Variants in LRFN5 observed in about 807,000 individuals in gnomAD.
The protein encoded by LRFN5 is leucine-rich repeat and fibronectin type-III domain-containing protein 5.
LRFN5 carries 24 observed loss-of-function variants against 45.6 expected under a neutral mutation model. That is an observed-to-expected ratio of 0.53 (90% CI 0.38 to 0.74). The LOEUF (loss-of-function observed/expected upper bound fraction) is 0.74. Among genes scored for constraint, LRFN5 ranks in the 30% least tolerant of loss-of-function variants. The pLI is 0.00. For synonymous variants in LRFN5, 340 were observed against 313.8 expected, an observed-to-expected ratio of 1.08 and a Z score of -0.88; for missense variants, 776 against 861.5, an observed-to-expected ratio of 0.90 and a Z score of 1.24.
intron 1 of LRFN5, among the ~76,000 whole-genome samples, chr14:41,715,841 G>T (rs59192293): frequency 0.035 from 5,321 of 152,256 alleles, 316 homozygotes; most frequent in African/African-American, 0.12. Context: ...TAGGGACTCT[G>T]TGTGGGGGCT....
chr14:41,805,630 C>T (rs1887500658), intron 2 of LRFN5, among the ~76,000 whole-genome samples: 2 of 150,872 alleles, frequency 1.3e-5, no homozygotes, highest in Admixed American at 6.7e-5. Context: ...GTTCAATTCC[C>T]ACCTATGAGT....
intron 2 of LRFN5, among the ~76,000 whole-genome samples, chr14:41,866,792 A>G (rs1238231637): frequency 1.3e-5 from 2 of 152,138 alleles, no homozygotes; most frequent in Non-Finnish European, 2.9e-5. Context: ...GAGACAAATC[A>G]AATATACCTG....
chr14:41,820,334 G>T (rs1888071479), intron 2 of LRFN5, among the ~76,000 whole-genome samples: 1 of 151,828 alleles, frequency 6.6e-6, no homozygotes, highest in Non-Finnish European at 1.5e-5. Flanking sequence ...TCTGCATGTG[G>T]CTATCCTATT....
intron 1 of LRFN5, among the ~76,000 whole-genome samples, chr14:41,760,128 T>G (rs2138866798): frequency 6.6e-6 from 1 of 152,372 alleles, no homozygotes; most frequent in East Asian, 1.9e-4. Context: ...TTCTAAATTT[T>G]ATCACATATG....
intron 1 of LRFN5, among the ~76,000 whole-genome samples, chr14:41,737,256 G>A (rs773670779): frequency 6.6e-6 from 1 of 152,104 alleles, no homozygotes; most frequent in Non-Finnish European, 1.5e-5. Context: ...AAAAACACAT[G>A]ATTATCTCAA....
chr14:41,752,320 G>T (rs1231103964), intron 1 of LRFN5, among the ~76,000 whole-genome samples: 1 of 152,110 alleles, frequency 6.6e-6, no homozygotes, highest in Non-Finnish European at 1.5e-5. Flanking sequence ...TCTAGTTCTA[G>T]ATCCCTGAGG....
intron 2 of LRFN5, among the ~76,000 whole-genome samples, chr14:41,784,747 G>T (rs1886656992): frequency 6.6e-6 from 1 of 151,992 alleles, no homozygotes; most frequent in Non-Finnish European, 1.5e-5. Context: ...TCCTGCCTCA[G>T]CCTCCCAAGT....
chr14:41,675,463 C>T (rs899549768), intron 1 of LRFN5, among the ~76,000 whole-genome samples: 7 of 152,128 alleles, frequency 4.6e-5, no homozygotes, highest in South Asian at 2.1e-4. Context: ...ACCAGTCAGG[C>T]GTGGCGGCGC....
chr14:41,729,323 T>G (rs1225685482), intron 1 of LRFN5, among the ~76,000 whole-genome samples: 1 of 152,094 alleles, frequency 6.6e-6, no homozygotes, highest in Non-Finnish European at 1.5e-5. Context: ...CTCCCATTCT[T>G]GCCATATGAC....
intron 1 of LRFN5, among the ~76,000 whole-genome samples, chr14:41,640,596 T>C (rs1255782869): frequency 1.3e-5 from 2 of 152,122 alleles, no homozygotes; most frequent in African/African-American, 4.8e-5. Flanking sequence ...AAAAATTAAA[T>C]GTCCTCAGCA....
At chr14:41,703,525 C>T (rs1474639051) in intron 1 of LRFN5, among the ~76,000 whole-genome samples, 2 of 152,076 alleles carry the variant, frequency 1.3e-5, no homozygotes, top group Non-Finnish European at 1.5e-5. Flanking sequence ...AGAGCAATGA[C>T]AGGTAAGACA....
intron 3 of LRFN5, among the ~76,000 whole-genome samples, chr14:41,888,951 T>A (rs962339519): frequency 4.0e-5 from 6 of 150,224 alleles, no homozygotes; most frequent in African/African-American, 1.2e-4. Flanking sequence ...GCTTTGCATT[T>A]TATATATATA....
intron 2 of LRFN5, among the ~76,000 whole-genome samples, chr14:41,796,023 A>G (rs910896124): frequency 1.3e-5 from 2 of 152,070 alleles, no homozygotes; most frequent in Non-Finnish European, 2.9e-5. Context: ...CAAATAATAC[A>G]TAATTTTATT....
At position 41,650,268 on chromosome 14, in the gene LRFN5, A is replaced by ACACACACACACACACAC. The variant is rs1437857911; in HGVS notation, c.-197+41706_-197+41707insCACACACACACACACAC. Among the ~76,000 whole-genome samples the ACACACACACACACACAC allele has an allele frequency of 6.3e-3, 810 of 129,364 alleles. 8 individuals are homozygous for ACACACACACACACACAC. The highest frequency in any genetic ancestry group is 0.015 in the South Asian group (54 of 3,710). 84.9% of individuals were successfully genotyped at this position (129,364 alleles called of 152,430 possible). A position where few individuals can be genotyped will look rare whatever the true frequency, so the allele number is the denominator to read the frequency against. ...ACACACACACACACACACACACACA[A>ACACACACACACACACAC]AAAAAAAAAAGATACTTGCAACACA... On this transcript the variant is annotated intron_variant, in intron 1 of 5. Transcript: ENST00000298119.
Position 41,704,408 on chromosome 14 carries a change from TTCTC to T in LRFN5, c.-196-62408_-196-62405del, listed in dbSNP as rs141458106. The stretch of plus-strand genomic sequence containing the variant: ...ATTTTCTAGACTTATTGTTATACTT[TTCTC>T]TCTCTCTCTCTCTCTCTCTCTCTCT... On this transcript the variant is annotated intron_variant, in intron 1 of 5. Transcript: ENST00000298119. 5.8e-3 allele frequency among the ~76,000 whole-genome samples: 588 copies of T among 102,240 alleles called. 2 individuals are homozygous for T. Among genetic ancestry groups the T allele is most frequent in the Middle Eastern group, 9.2e-3 (2 of 218 alleles). The allele number at this position is 102,240 out of a possible 152,430, so 67.1% of individuals were successfully genotyped here.
intron 2 of LRFN5, among the ~76,000 whole-genome samples, chr14:41,876,845 A>G (rs896387051): frequency 1.1e-4 from 16 of 152,254 alleles, no homozygotes; most frequent in Middle Eastern, 3.4e-3. Context: ...ATAAACCTCT[A>G]TCAATTGAGA....
chr14:41,846,563 G>T (rs1464383941), intron 2 of LRFN5, among the ~76,000 whole-genome samples: 1 of 152,006 alleles, frequency 6.6e-6, no homozygotes, highest in African/African-American at 2.4e-5. Flanking sequence ...GTTAAAACTG[G>T]AATTTCTGTT....
chr14:41,856,675 A>ATTATTATTATTATTATTTTTTTTTTTTTT, intron 2 of LRFN5, among the ~76,000 whole-genome samples: 7 of 18,332 alleles, frequency 3.8e-4, no homozygotes, highest in East Asian at 1.3e-3. Context: ...TATTATTATT[A>ATTATTATTATTATTATTTTTTTTTTTTTT]TTTTTTTTTT....
At chr14:41,873,733 C>A (rs924158246) in intron 2 of LRFN5, among the ~76,000 whole-genome samples, 2 of 152,100 alleles carry the variant, frequency 1.3e-5, no homozygotes, top group African/African-American at 4.8e-5. Flanking sequence ...GAAGAATTTT[C>A]CATATTTCTA....
Sources: gnomAD v4.1 joint callset for allele counts (sites outside exome capture counted in the v4.1 genomes callset) on GRCh38, gnomAD v4.1.1 for gene constraint, MANE v1.5 for transcripts, NCBI Gene and HGNC (gene_info 2026-07-23, HGNC 2026-07-21) for gene names.